The following TLL2 variants were observed in gnomAD, a reference collection of about 807,000 sequenced individuals.
The protein encoded by TLL2 is tolloid like 2.
A neutral mutation model predicts 123.0 loss-of-function variants in TLL2; 106 were observed. The ratio of observed to expected loss-of-function variants is 0.86; its 90% CI spans 0.74 to 1.01. The LOEUF is 1.01. Among genes scored for constraint, TLL2 ranks in the 50% least tolerant of loss-of-function variants. The probability of loss-of-function intolerance (pLI) is 0.00; values close to 1 mark genes in which losing one functional copy is unlikely to be tolerated. For synonymous variants in TLL2, 494 were observed against 516.8 expected (o/e 0.96, Z 0.60); for missense variants, 1,332 against 1,336.7 (o/e 1.00, Z 0.06).
intron 2 of TLL2, among the ~76,000 whole-genome samples, chr10:96,448,644 A>G (rs1846923937): frequency 6.6e-6 from 1 of 152,178 alleles, no homozygotes; most frequent in African/African-American, 2.4e-5. Flanking sequence ...GGGTAGGGGA[A>G]AAAATGACAA....
chr10:96,461,601 C>T (rs1399143523), intron 2 of TLL2, among the ~76,000 whole-genome samples: 1 of 152,210 alleles, frequency 6.6e-6, no homozygotes, highest in Non-Finnish European at 1.5e-5. Context: ...AAATTCTCAC[C>T]TCCATGCCTT....
chr10:96,473,508 C>T (rs935180246), intron 2 of TLL2, among the ~76,000 whole-genome samples: 1 of 152,162 alleles, frequency 6.6e-6, no homozygotes, highest in African/African-American at 2.4e-5. Context: ...GGACATGTCT[C>T]AGAGTCTCTC....
Position 96,445,383 on chromosome 10 carries a change from TA to T in TLL2, c.364+707del, listed in dbSNP as rs540779750. Among the ~76,000 whole-genome samples, 27 of 152,206 alleles carry T rather than the reference TA, an allele frequency of 1.8e-4. No individual in the cohort carries two copies. The South Asian group carries it at 5.2e-3, about 29-fold the overall frequency. The stretch of plus-strand genomic sequence containing the variant: ...CAGTGATCTCCGAGCTAGAAACTCT[TA>T]AACAACCAGCAGACCACACTTAGGT... On this transcript the variant is annotated intron_variant, in intron 3 of 20. Transcript: ENST00000357947.
chr10:96,501,565 T>C (rs1847533273), intron 1 of TLL2, among the ~76,000 whole-genome samples: 1 of 152,342 alleles, frequency 6.6e-6, no homozygotes, highest in African/African-American at 2.4e-5. Flanking sequence ...CAGCTTGACT[T>C]CCACTGTTCC....
chr10:96,471,227 A>T (rs1267745629), intron 2 of TLL2, among the ~76,000 whole-genome samples: 1 of 151,762 alleles, frequency 6.6e-6, no homozygotes, highest in Non-Finnish European at 1.5e-5. Context: ...CTGGTCTGGA[A>T]CTCCTGACCT....
At chr10:96,449,014 C>A (rs966541305) in intron 2 of TLL2, among the ~76,000 whole-genome samples, 1 of 152,104 alleles carries the variant, frequency 6.6e-6, no homozygotes, top group African/African-American at 2.4e-5. Flanking sequence ...AGACCAAGTG[C>A]CCCCCAGTGA....
Position 96,439,093 on chromosome 10 carries a change from C to T in TLL2, c.365-6131G>A, listed in dbSNP as rs1055665690. ...AGGATTTCTGCATGTAAGTTTAATT[C>T]GGTTTTAGGGTTGTCTCTTTTTTTT... On this transcript the variant is annotated intron_variant, in intron 3 of 20. Coordinates refer to ENST00000357947, the MANE Select transcript of TLL2 (RefSeq NM_012465.4). 2.4e-3 allele frequency among the ~76,000 whole-genome samples: 26 copies of T among 10,832 alleles called. 1 individual carries two copies. Among genetic ancestry groups the T allele is most frequent in the African/African-American group, 9.5e-3 (25 of 2,622 alleles). 7.1% of individuals were successfully genotyped at this position (10,832 alleles called of 152,430 possible).
intron 16 of TLL2, among the ~76,000 whole-genome samples, chr10:96,380,553 C>T (rs546011502): frequency 7.9e-5 from 12 of 151,770 alleles, no homozygotes; most frequent in African/African-American, 2.2e-4. Context: ...ATTAGCCGGG[C>T]GTGGTGGCGG....
At chr10:96,470,257 G>A (rs780036277) in intron 2 of TLL2, among the ~76,000 whole-genome samples, 7 of 152,190 alleles carry the variant, frequency 4.6e-5, no homozygotes, top group African/African-American at 1.7e-4. Flanking sequence ...ATCCCCAGCC[G>A]GGGGTCAGAG....
At chr10:96,428,061 C>G (rs768933636) in intron 5 of TLL2, among the ~76,000 whole-genome samples, 10 of 152,190 alleles carry the variant, frequency 6.6e-5, no homozygotes, top group Non-Finnish European at 8.8e-5. Context: ...TCCCAAACTG[C>G]TGGGATTACA....
chr10:96,426,679 C>G (rs949590348), intron 5 of TLL2, among the ~76,000 whole-genome samples: 1 of 152,170 alleles, frequency 6.6e-6, no homozygotes, highest in Non-Finnish European at 1.5e-5. Flanking sequence ...TTGCAAACTA[C>G]TCCTTTGTGA....
intron 2 of TLL2, among the ~76,000 whole-genome samples, chr10:96,465,317 A>T (rs543773526): frequency 6.6e-6 from 1 of 152,344 alleles, no homozygotes; most frequent in Admixed American, 6.5e-5. Flanking sequence ...AGAGAAGTTA[A>T]TATCTACTAA....
intron 2 of TLL2, among the ~76,000 whole-genome samples, chr10:96,460,129 A>T (rs1249734674): frequency 6.6e-6 from 1 of 152,220 alleles, no homozygotes; most frequent in Non-Finnish European, 1.5e-5. Flanking sequence ...CCCAAAATGA[A>T]AACAAACCAC....
chr10:96,423,452 G>C (rs1487512213), intron 5 of TLL2, among the ~76,000 whole-genome samples: 1 of 152,152 alleles, frequency 6.6e-6, no homozygotes, highest in Non-Finnish European at 1.5e-5. Context: ...AGGAGCCTTA[G>C]AGATGACTCC....
intron 2 of TLL2, among the ~76,000 whole-genome samples, chr10:96,460,638 A>G (rs1331037313): frequency 6.6e-6 from 1 of 152,142 alleles, no homozygotes; most frequent in Admixed American, 6.5e-5. Context: ...CTCTCCTGCC[A>G]CCATGTGAAG....
intron 2 of TLL2, among the ~76,000 whole-genome samples, chr10:96,471,741 C>T (rs1712880625): frequency 6.6e-6 from 1 of 152,156 alleles, no homozygotes; most frequent in Non-Finnish European, 1.5e-5. Context: ...TGGGCTCCGA[C>T]ACCCACGTCT....
intron 2 of TLL2, among the ~76,000 whole-genome samples, chr10:96,468,301 G>A (rs1372348580): frequency 6.6e-6 from 1 of 152,132 alleles, no homozygotes; most frequent in African/African-American, 2.4e-5. Flanking sequence ...TACATAGGTA[G>A]CTGCCGGAGG....
chr10:96,511,769 C>G (rs1390727951), intron 1 of TLL2, among the ~76,000 whole-genome samples: 2 of 152,240 alleles, frequency 1.3e-5, no homozygotes, highest in Non-Finnish European at 2.9e-5. Context: ...TCAATCACTT[C>G]CCCACTCCGG....
rs200574637 is a variant in TLL2 at position 96,378,936 on chromosome 10, G to C, written c.2320+31C>G. The C allele has an allele frequency of 2.2e-5, 35 of 1,610,826 alleles. No individual in the cohort carries two copies. In the Admixed American group the frequency reaches 5.3e-4, roughly 25 times the overall value. On this transcript the variant is annotated intron_variant, in intron 17 of 20. Coordinates refer to ENST00000357947, the MANE Select transcript of TLL2 (RefSeq NM_012465.4). Reference sequence around the variant, plus strand: ...CATGGGGTGCGGCGAAGGGCAGCCCGCCCCCCCAACAACTGGAGGTCCAGC... The same window carrying C: ...CATGGGGTGCGGCGAAGGGCAGCCCCCCCCCCCAACAACTGGAGGTCCAGC...
Sources: gnomAD v4.1 joint callset for allele counts (sites outside exome capture counted in the v4.1 genomes callset) on GRCh38, gnomAD v4.1.1 for gene constraint, MANE v1.5 for transcripts, NCBI Gene and HGNC (gene_info 2026-07-23, HGNC 2026-07-21) for gene names.